Variants in MX1 observed in about 807,000 individuals in gnomAD.
MX1 encodes MX dynamin like GTPase 1.
In MX1, 66 loss-of-function variants were observed where a neutral mutation model predicts 66.4. The observed-to-expected ratio is 0.99, with a 90% confidence interval of 0.82 to 1.22. MX1 has a LOEUF of 1.22. Among genes scored for constraint, MX1 ranks in the 50% most tolerant of loss-of-function variants. The pLI is 0.00. For missense variants in MX1, 787 were observed against 834.3 expected (o/e 0.94, Z 0.70); for synonymous variants, 311 against 318.1 (o/e 0.98, Z 0.24).
Position 41,441,092 on chromosome 21 carries a change from G to A in MX1, c.730+67G>A. On this transcript the variant is annotated intron_variant, in intron 9 of 16. Transcript: ENST00000398598. This position sits in a 1 kb window ranked among gnomAD's most constrained non-coding sequence, Gnocchi z 4.0. ...GAGCCCGCCTGTGCTCGGTGAGAAT[G>A]GGGGAGCCCACCTGTGCTCGGTGAG... The A allele has an allele frequency of 5.0e-6, 7 of 1,401,254 alleles. No individual in the cohort carries two copies. Among genetic ancestry groups the A allele is most frequent in the Middle Eastern group, 2.6e-4 (1 of 3,818 alleles). 86.8% of individuals were successfully genotyped at this position (1,401,254 alleles called of 1,614,324 possible). A position where few individuals can be genotyped will look rare whatever the true frequency, so the allele number is the denominator to read the frequency against.
At chr21:41,424,903 C>T (rs554279292), upstream of MX1, among the ~76,000 whole-genome samples, 1 of 152,322 alleles carries the variant, frequency 6.6e-6, no homozygotes, top group East Asian at 1.9e-4. Flanking sequence ...AGGTTTCAGA[C>T]AAAGACAGTA....
chr21:41,442,014 T>A (rs1378417676), intron 10 of MX1, 100 bp downstream of exon 10: 3 of 1,084,000 alleles, frequency 2.8e-6, no homozygotes, highest in Non-Finnish European at 4.2e-6. Flanking sequence ...GGAGTGTGTG[T>A]GTGTGTGTGT....
At position 41,432,174 on chromosome 21, in the gene MX1, C is replaced by T. The variant is rs375890957; in HGVS notation, c.104C>T (p.Ser35Leu). The T allele has an allele frequency of 1.9e-5, 30 of 1,613,760 alleles. No homozygotes were observed. The highest frequency in any genetic ancestry group is 2.2e-5 in the Non-Finnish European group (26 of 1,179,930). Residue 35 changes from serine (S) to leucine (L), a missense_variant and splice_region_variant, in exon 5 of 17, where the codon TCG (serine) becomes TTG (leucine). Ser to Leu is a moderately radical substitution (Grantham distance 145). Transcript: ENST00000398598. The part of the protein sequence containing the change: ...DATVAQKNPG[S>L]VAENNLCSQY... ...ACTGTGGCCCAGAAAAATCCAGGCT[C>T]GGTAAGTTGCTCTCTGAAAGTCGCT...
At chr21:41,451,141 T>G in intron 14 of MX1, 26 bp from the exon 15 acceptor site, 3 of 1,493,190 alleles carry the variant, frequency 2.0e-6, no homozygotes, top group Non-Finnish European at 2.8e-6. Context: ...CTACCAATAT[T>G]GAACTATTTT....
At chr21:41,451,611 A>G (rs548270349) in intron 15 of MX1, among the ~76,000 whole-genome samples, 6 of 152,280 alleles carry the variant, frequency 3.9e-5, no homozygotes, top group Admixed American at 2.0e-4. Flanking sequence ...AGGCCGGTAG[A>G]TGACTTAAAG....
chr21:41,453,504 C>A (rs2090886181), intron 16 of MX1, among the ~76,000 whole-genome samples: 1 of 152,174 alleles, frequency 6.6e-6, no homozygotes, highest in Admixed American at 6.5e-5. Context: ...AATGGTGTCT[C>A]CTCATAGATT....
At chr21:41,451,084 A>G (rs2090810259) in intron 14 of MX1, 83 bp from the exon 15 acceptor site, 2 of 941,536 alleles carry the variant, frequency 2.1e-6, no homozygotes, top group African/African-American at 1.6e-5. Context: ...ACTTCATACC[A>G]TTTGATCCTC....
At chr21:41,443,687 T>C in intron 10 of MX1, 101 bp from the exon 11 acceptor site, 1 of 998,512 alleles carries the variant, frequency 1.0e-6, no homozygotes, top group Non-Finnish European at 1.6e-6. Flanking sequence ...CATCCAGTTG[T>C]AAGCAACTGA....
At chr21:41,425,793 C>G (rs1364575854), upstream of MX1, among the ~76,000 whole-genome samples, 1 of 152,022 alleles carries the variant, frequency 6.6e-6, no homozygotes, top group African/African-American at 2.4e-5. Flanking sequence ...GAGTTCGGGA[C>G]AAGAGGGGCT....
At chr21:41,439,060 T>C (rs2090437636) in intron 7 of MX1, among the ~76,000 whole-genome samples, 1 of 152,006 alleles carries the variant, frequency 6.6e-6, no homozygotes, top group African/African-American at 2.4e-5. Flanking sequence ...TACATGGATA[T>C]TGGGGGAACA....
At chr21:41,448,926 GGTTTTGTGTGTGTGT>G (rs1298731877) in intron 13 of MX1, among the ~76,000 whole-genome samples, 196 bp from the exon 14 acceptor site, 95 of 142,944 alleles carry the variant, frequency 6.6e-4, no homozygotes, top group African/African-American at 2.3e-3. Context: ...CTTCAGATCT[GGTTTTGTGTGTGTGT>G]GTGTGTGTGT....
chr21:41,458,749 C>T lies in MX1; in HGVS notation c.1980C>T (p.Phe660=), dbSNP rs768798278. ...LTQARRRLAQ[F]PG Reference sequence around the variant, plus strand: ...AGGCTCGGCGCCGGCTTGCCCAGTTCCCCGGTTAACCACACTCTGTCCAGC... The same window carrying T: ...AGGCTCGGCGCCGGCTTGCCCAGTTTCCCGGTTAACCACACTCTGTCCAGC... Residue 660 remains phenylalanine, a synonymous_variant, in exon 17 of 17, where the codon TTC becomes TTT. Coordinates refer to ENST00000398598, the MANE Select transcript of MX1 (RefSeq NM_002462.5). 6 of 1,610,860 alleles carry T rather than the reference C, an allele frequency of 3.7e-6. No homozygotes were observed. In the Admixed American group the frequency reaches 6.7e-5, roughly 18 times the overall value.
intron 10 of MX1, 126 bp downstream of exon 10, chr21:41,442,040 CGCGT>C (rs2090536902): frequency 6.2e-6 from 4 of 645,780 alleles, no homozygotes; most frequent in East Asian, 7.1e-5. Flanking sequence ...TGTGTGTGTG[CGCGT>C]GTGTGTGTGA....
rs2090384830 is a variant in MX1, at chr21:41,437,064, C to T, written c.348C>T (p.Asn116=). The T allele has an allele frequency of 4.3e-6, 7 of 1,613,686 alleles. No individual in the cohort carries two copies. Among genetic ancestry groups the T allele is most frequent in the South Asian group, 1.1e-5 (1 of 91,072 alleles). The stretch of plus-strand genomic sequence containing the variant: ...TGCTGAAACTGAAGAAACTTGTGAA[C>T]GAAGATAAGTGGAGAGGCAAGGTCA... The part of the protein sequence containing the change: ...PLVLKLKKLV[N]EDKWRGKVSY... The change falls in exon 7 of 17, where the codon AAC becomes AAT. Residue 116 remains asparagine (N), a synonymous_variant. Transcript: ENST00000398598.
intron 3 of MX1, chr21:41,429,792 C>T (rs369419736): frequency 9.9e-5 from 15 of 151,394 alleles, no homozygotes; most frequent in East Asian, 2.0e-4. Flanking sequence ...CCTGTAGTCC[C>T]AGCTACTTGG....
intron 6 of MX1, among the ~76,000 whole-genome samples, chr21:41,436,359 T>C (rs896056742): frequency 1.3e-5 from 2 of 152,254 alleles, no homozygotes; most frequent in African/African-American, 4.8e-5. Context: ...TCAAATACAG[T>C]CCCATTAGGG....
chr21:41,450,157 T>G (rs1171377033), intron 14 of MX1, among the ~76,000 whole-genome samples: 3 of 152,232 alleles, frequency 2.0e-5, no homozygotes, highest in African/African-American at 7.2e-5. Context: ...GGCTGTTTAT[T>G]TGAAATCTCC....
intron 11 of MX1, among the ~76,000 whole-genome samples, chr21:41,444,314 C>CTTTT (rs1300035216): frequency 1.9e-5 from 2 of 103,304 alleles, no homozygotes; most frequent in Non-Finnish European, 4.0e-5. Context: ...CTTTTCTTTT[C>CTTTT]TTTCTTTTTT....
chr21:41,438,691 C>T lies in MX1; in HGVS notation c.437-1003C>T, dbSNP rs536550801. Reference sequence around the variant, plus strand: ...GTGACGAAGGCACCCTGTAAAGTAGCGTGCATACAGGGATGGAAGGGAATG... The same window carrying T: ...GTGACGAAGGCACCCTGTAAAGTAGTGTGCATACAGGGATGGAAGGGAATG... On this transcript the variant is annotated intron_variant, in intron 7 of 16. Coordinates refer to ENST00000398598, the MANE Select transcript of MX1 (RefSeq NM_002462.5). Among the ~76,000 whole-genome samples the T allele has an allele frequency of 2.6e-5, 4 of 152,316 alleles. No homozygotes were observed. The South Asian group carries it at 6.2e-4, about 24-fold the overall frequency.
Sources: allele counts gnomAD v4.1 joint callset (sites outside exome capture counted in the v4.1 genomes callset), GRCh38; gene constraint gnomAD v4.1.1; non-coding constraint Gnocchi (gnomAD v3.1); transcripts MANE v1.5; gene names NCBI Gene and HGNC (gene_info 2026-07-23, HGNC 2026-07-21).